The following PRKAR2A variants were observed in gnomAD, a reference collection of about 807,000 sequenced individuals.
The protein encoded by PRKAR2A is protein kinase cAMP-dependent type II regulatory subunit alpha, also known as cAMP-dependent protein kinase type II-alpha regulatory subunit.
Under a neutral mutation model 51.9 loss-of-function variants are expected in PRKAR2A, and 29 were observed. The ratio of observed to expected loss-of-function variants is 0.56; its 90% CI spans 0.42 to 0.76. PRKAR2A has a LOEUF of 0.76. Ranked by LOEUF, PRKAR2A falls within the 30% of genes least tolerant of loss-of-function variation. PRKAR2A has a pLI of 0.00. For missense variants in PRKAR2A, 445 were observed against 512.1 expected, an observed-to-expected ratio of 0.87 and a Z score of 1.26; for synonymous variants, 178 against 186.2, an observed-to-expected ratio of 0.96 and a Z score of 0.36.
chr3:48,845,475 G>T (rs751923287), intron 1 of PRKAR2A, among the ~76,000 whole-genome samples: 1 of 152,140 alleles, frequency 6.6e-6, no homozygotes, highest in Non-Finnish European at 1.5e-5. Context: ...AGTTTTGTGT[G>T]TGTGTGATCT....
At chr3:48,758,999 T>C (rs539795764) in intron 8 of PRKAR2A, among the ~76,000 whole-genome samples, 2 of 152,144 alleles carry the variant, frequency 1.3e-5, no homozygotes, top group Non-Finnish European at 2.9e-5. Flanking sequence ...TGAAGGACAG[T>C]GAAAGGACTT....
intron 4 of PRKAR2A, among the ~76,000 whole-genome samples, chr3:48,790,342 G>T (rs1423872906): frequency 6.6e-6 from 1 of 152,112 alleles, no homozygotes; most frequent in Non-Finnish European, 1.5e-5. Flanking sequence ...GGATAAGGGG[G>T]ACTACCACAC....
intron 2 of PRKAR2A, among the ~76,000 whole-genome samples, chr3:48,794,555 C>T (rs1031798692): frequency 4.6e-5 from 7 of 151,550 alleles, no homozygotes; most frequent in Admixed American, 2.0e-4. Context: ...ATTAGCTGGG[C>T]GTGGTGGTGT....
intron 5 of PRKAR2A, among the ~76,000 whole-genome samples, chr3:48,779,743 A>G (rs995639160): frequency 1.3e-5 from 2 of 150,486 alleles, no homozygotes; most frequent in African/African-American, 4.9e-5. Context: ...TTGCACCACT[A>G]CACTCCCACC....
At chr3:48,755,859 A>C (rs1016113779) in intron 9 of PRKAR2A, among the ~76,000 whole-genome samples, 2 of 150,544 alleles carry the variant, frequency 1.3e-5, no homozygotes, top group Admixed American at 6.6e-5. Flanking sequence ...GCTGACTGCA[A>C]GCTCTGCCTC....
At chr3:48,827,391 T>C (rs1396574434) in intron 1 of PRKAR2A, among the ~76,000 whole-genome samples, 1 of 151,698 alleles carries the variant, frequency 6.6e-6, no homozygotes, top group Non-Finnish European at 1.5e-5. Context: ...TGTCTGCTGA[T>C]AGCATGAAGT....
At chr3:48,758,174 C>T (rs1342763898) in intron 8 of PRKAR2A, among the ~76,000 whole-genome samples, 1 of 151,312 alleles carries the variant, frequency 6.6e-6, no homozygotes, top group Non-Finnish European at 1.5e-5. Flanking sequence ...ACAAGAATCA[C>T]TTAAACCTGG....
intron 4 of PRKAR2A, among the ~76,000 whole-genome samples, chr3:48,790,233 T>C (rs187561620): frequency 6.6e-6 from 1 of 152,278 alleles, no homozygotes; most frequent in East Asian, 1.9e-4. Context: ...CGGAATGGCA[T>C]GCCTTTTAAA....
At chr3:48,846,730 G>C (rs867708520) in intron 1 of PRKAR2A, among the ~76,000 whole-genome samples, 1 of 152,086 alleles carries the variant, frequency 6.6e-6, no homozygotes, top group African/African-American at 2.4e-5. Flanking sequence ...TATTCCCAGG[G>C]ACCATGTTTG....
In PRKAR2A at chr3:48,749,093, T is replaced by G. The variant is rs569010212; in HGVS notation, c.*2492A>C. ...CTGTGTGGGCCATCATTATCTACAA[T>G]AGAAATGACTCAAGCCCTAGCATGT... On this transcript the variant is annotated 3_prime_UTR_variant, in exon 11 of 11. Coordinates refer to ENST00000265563, the MANE Select transcript of PRKAR2A (RefSeq NM_004157.4). 1 of 152,176 alleles carries G rather than the reference T, an allele frequency of 6.6e-6. No homozygotes were observed. The highest frequency in any genetic ancestry group is 1.5e-5 in the Non-Finnish European group (1 of 68,044). 9.4% of individuals were successfully genotyped at this position (152,176 alleles called of 1,614,324 possible). A position where few individuals can be genotyped will look rare whatever the true frequency, so the allele number is the denominator to read the frequency against.
intron 2 of PRKAR2A, among the ~76,000 whole-genome samples, chr3:48,807,046 T>C (rs1425560117): frequency 6.6e-6 from 1 of 152,164 alleles, no homozygotes; most frequent in Non-Finnish European, 1.5e-5. Flanking sequence ...ACTGGGATTA[T>C]GGGTGTGAGC....
intron 8 of PRKAR2A, among the ~76,000 whole-genome samples, chr3:48,760,479 C>T (rs990206768): frequency 2.0e-5 from 3 of 151,926 alleles, no homozygotes; most frequent in African/African-American, 7.2e-5. Context: ...AGTTCAAGAC[C>T]AGCATGGGCA....
At chr3:48,797,985 T>C (rs2082522705) in intron 2 of PRKAR2A, among the ~76,000 whole-genome samples, 1 of 152,172 alleles carries the variant, frequency 6.6e-6, no homozygotes, top group Non-Finnish European at 1.5e-5. Context: ...ACAGTTTTGC[T>C]CTTGTTGCCC....
At chr3:48,801,268 T>C (rs1195150216) in intron 2 of PRKAR2A, among the ~76,000 whole-genome samples, 1 of 152,230 alleles carries the variant, frequency 6.6e-6, no homozygotes, top group Non-Finnish European at 1.5e-5. Context: ...TTCTCCTGCC[T>C]CAGCCTCCCA....
intron 6 of PRKAR2A, among the ~76,000 whole-genome samples, chr3:48,767,690 T>G (rs549229944): frequency 3.9e-5 from 6 of 152,066 alleles, no homozygotes; most frequent in Admixed American, 2.6e-4. Context: ...TTTGGGAGGC[T>G]GAGGCGGGTG....
chr3:48,832,031 C>T (rs9850498), intron 1 of PRKAR2A, among the ~76,000 whole-genome samples: 3,455 of 152,182 alleles, frequency 0.023, 150 homozygotes, highest in African/African-American at 0.078. Flanking sequence ...GGGCGGCTCA[C>T]GCCTGTAATT....
At chr3:48,781,948 T>G (rs765363890) in intron 5 of PRKAR2A, among the ~76,000 whole-genome samples, 9 of 152,198 alleles carry the variant, frequency 5.9e-5, no homozygotes, top group Admixed American at 1.3e-4. Flanking sequence ...ACCAGGCCTA[T>G]GATTAATTTT....
rs59163654 is a variant in PRKAR2A at position 48,752,916 on chromosome 3, C to CTTTTT, written c.940-604_940-600dup. Among the ~76,000 whole-genome samples, 47 of 47,552 alleles carry CTTTTT rather than the reference C, an allele frequency of 9.9e-4. 1 individual carries two copies. The highest frequency in any genetic ancestry group is 1.2e-3 in the African/African-American group (12 of 10,260). 31.2% of individuals were successfully genotyped at this position (47,552 alleles called of 152,430 possible). ...ACCTTAAGTTAGTGGTTCCCTCCTC[C>CTTTTT]TTTTTTTTTTTTTTTTTTTTTTTTT... On this transcript the variant is annotated intron_variant, in intron 9 of 10. Transcript: ENST00000265563.
chr3:48,805,383 C>T (rs1257951627), intron 2 of PRKAR2A, among the ~76,000 whole-genome samples: 1 of 152,216 alleles, frequency 6.6e-6, no homozygotes, highest in African/African-American at 2.4e-5. Flanking sequence ...GCTTCAGCTA[C>T]AGCTGGAAAG....
Sources: allele counts gnomAD v4.1 joint callset (sites outside exome capture counted in the v4.1 genomes callset), GRCh38; gene constraint gnomAD v4.1.1; transcripts MANE v1.5; gene names NCBI Gene and HGNC (gene_info 2026-07-23, HGNC 2026-07-21).